The following PET117 variants were observed in gnomAD, a reference collection of about 807,000 sequenced individuals.
PET117 encodes the protein protein PET117 homolog, mitochondrial.
In PET117, 10 loss-of-function variants were observed where a neutral mutation model predicts 9.2. The ratio of observed to expected loss-of-function variants is 1.09; its 90% CI spans 0.67 to 1.85. The LOEUF (loss-of-function observed/expected upper bound fraction) is 1.85. PET117 is among the 40% of genes most tolerant of loss of function. The pLI, the probability that PET117 is intolerant of heterozygous loss-of-function variation, is 0.00. For synonymous variants in PET117, 43 were observed against 37.1 expected (o/e 1.16, Z -0.57); for missense variants, 96 against 98.2 (o/e 0.98, Z 0.09).
chr20:18,139,690 T>G (rs2037454836), intron 1 of PET117, among the ~76,000 whole-genome samples: 2 of 149,766 alleles, frequency 1.3e-5, no homozygotes, highest in Non-Finnish European at 3.0e-5. Context: ...TTTTTTTCCT[T>G]TTATGTCCGG....
chr20:18,140,950 CAGGCTGAGGTGATCCTAT>C, intron 1 of PET117, among the ~76,000 whole-genome samples: 1 of 149,468 alleles, frequency 6.7e-6, no homozygotes, highest in East Asian at 2.0e-4. Flanking sequence ...CTGTGCCTCC[CAGGCTGAGGTGATCCTAT>C]CACCTCAGCC....
In PET117 at chr20:18,140,818, C is replaced by CAAAA. The variant is rs1157203058; in HGVS notation, c.97-1375_97-1372dup. On this transcript the variant is annotated intron_variant, in intron 1 of 1. Coordinates refer to ENST00000432901, the MANE Select transcript of PET117 (RefSeq NM_001164811.2). ...TGGGTGACAGAACGAGACTCCTTCT[C>CAAAA]AAAAAAAAAAAAAAAAAACCAATAA... Among the ~76,000 whole-genome samples the CAAAA allele has an allele frequency of 2.4e-3, 191 of 79,016 alleles. 4 individuals carry two copies. Among genetic ancestry groups the CAAAA allele is most frequent in the African/African-American group, 8.9e-3 (172 of 19,408 alleles). The allele number at this position is 79,016 out of a possible 152,430, so 51.8% of individuals were successfully genotyped here.
chr20:18,139,230 GT>G (rs1280052724), intron 1 of PET117, among the ~76,000 whole-genome samples: 2 of 152,208 alleles, frequency 1.3e-5, no homozygotes, highest in Non-Finnish European at 2.9e-5. Context: ...GGATTAAAAT[GT>G]GCTCCTAAGG....
At chr20:18,138,860 A>G (rs2037409128) in intron 1 of PET117, among the ~76,000 whole-genome samples, 3 of 152,176 alleles carry the variant, frequency 2.0e-5, no homozygotes, top group Non-Finnish European at 4.4e-5. Flanking sequence ...GGGAATACAA[A>G]GATAAGGAAA....
intron 1 of PET117, 25 bp downstream of exon 1, chr20:18,138,076 C>G (rs1465795409): frequency 1.4e-6 from 2 of 1,446,802 alleles, no homozygotes; most frequent in South Asian, 2.7e-5. Context: ...ACCGTCTCTT[C>G]CGGGCCCGCG....
Position 18,142,649 on chromosome 20 carries a change from G to C in PET117, c.*292G>C. The C allele has an allele frequency of 5.6e-6, 9 of 1,613,704 alleles. No homozygotes were observed. Among genetic ancestry groups the C allele is most frequent in the Non-Finnish European group, 7.6e-6 (9 of 1,179,636 alleles). Reference sequence around the variant, plus strand: ...TACTGAGAAGCACTGCCGAGCTTGTGAGAAGGAAGGGATGGATAGTAGCAT... The same window carrying C: ...TACTGAGAAGCACTGCCGAGCTTGTCAGAAGGAAGGGATGGATAGTAGCAT... On this transcript the variant is annotated 3_prime_UTR_variant, in exon 2 of 2. Coordinates refer to ENST00000432901, the MANE Select transcript of PET117 (RefSeq NM_001164811.2).
chr20:18,141,777 G>A (rs1033862148), intron 1 of PET117, among the ~76,000 whole-genome samples: 1 of 152,112 alleles, frequency 6.6e-6, no homozygotes. Context: ...TCAGCTACTC[G>A]GGAGGCTGAG....
At chr20:18,140,100 A>G (rs922758085) in intron 1 of PET117, among the ~76,000 whole-genome samples, 1 of 152,152 alleles carries the variant, frequency 6.6e-6, no homozygotes, top group Non-Finnish European at 1.5e-5. Context: ...GATCATAAGC[A>G]CACGTGACAT....
Position 18,142,110 on chromosome 20 carries a change from A to C in PET117, c.97-98A>C. 10 of 1,232,264 alleles carry C rather than the reference A, an allele frequency of 8.1e-6. No individual in the cohort carries two copies. In the South Asian group the frequency reaches 1.7e-4, roughly 21 times the overall value. The allele number at this position is 1,232,264 out of a possible 1,614,324, so 76.3% of individuals were successfully genotyped here. Reference sequence around the variant, plus strand: ...TGGGTATTTGGAATCTGAAAGTTTTAAGTATATTTTGGTAACACTGTTATT... The same window carrying C: ...TGGGTATTTGGAATCTGAAAGTTTTCAGTATATTTTGGTAACACTGTTATT... On this transcript the variant is annotated intron_variant, in intron 1 of 1. Coordinates refer to ENST00000432901, the MANE Select transcript of PET117 (RefSeq NM_001164811.2).
At chr20:18,138,925 T>C (rs541864676) in intron 1 of PET117, among the ~76,000 whole-genome samples, 156 of 152,328 alleles carry the variant, frequency 1.0e-3, no homozygotes, top group African/African-American at 3.6e-3. Flanking sequence ...AACAGGGTCA[T>C]TGGTGAATTT....
Position 18,137,947 on chromosome 20 carries a change from A to T in PET117, c.-9A>T, listed in dbSNP as rs768240006. 1.3e-4 allele frequency: 185 copies of T among 1,478,550 alleles called. No individual in the cohort carries two copies. The highest frequency in any genetic ancestry group is 1.6e-4 in the Non-Finnish European group (176 of 1,122,534). 91.6% of individuals were successfully genotyped at this position (1,478,550 alleles called of 1,614,324 possible). On this transcript the variant is annotated 5_prime_UTR_variant, in exon 1 of 2. Transcript: ENST00000432901. ...GCGGGAGAGAGAGGCCGCGGCCGCC[A>T]GCGTGGGGATGTCTAGGAGCTCGAA... is the stretch of plus-strand genomic sequence containing the variant.
chr20:18,141,039 T>TTTA (rs2037541695), intron 1 of PET117, among the ~76,000 whole-genome samples: 1 of 24,234 alleles, frequency 4.1e-5, no homozygotes, highest in Non-Finnish European at 1.0e-4. Context: ...TTTTTTTTTT[T>TTTA]TTTTTTTATT....
Position 18,143,116 on chromosome 20 carries a change from A to G in PET117, c.*759A>G, listed in dbSNP as rs562825031. On this transcript the variant is annotated 3_prime_UTR_variant, in exon 2 of 2. Transcript: ENST00000432901. ...GAAACGTACTGTCAACCTCTATCAC[A>G]TTGTTAAATTAACACTTTTGGTGGT... The G allele has an allele frequency of 1.5e-4, 200 of 1,332,682 alleles. No homozygotes were observed. The highest frequency in any genetic ancestry group is 1.8e-4 in the Non-Finnish European group (192 of 1,038,762). The allele number at this position is 1,332,682 out of a possible 1,614,324, so 82.6% of individuals were successfully genotyped here.
rs1229454671 is a variant in PET117 at position 18,142,379 on chromosome 20, G to C, written c.*22G>C. On this transcript the variant is annotated 3_prime_UTR_variant, in exon 2 of 2. Transcript: ENST00000432901. ...ATGACTTGAATGTGAAATATCTGTTGGACAGACAACACGAGTTTGTGTGTG... is the reference window on the plus strand; with the variant it reads ...ATGACTTGAATGTGAAATATCTGTTCGACAGACAACACGAGTTTGTGTGTG... The C allele has an allele frequency of 1.3e-6, 2 of 1,531,154 alleles. No individual in the cohort carries two copies. The highest frequency in any genetic ancestry group is 4.0e-5 in the Admixed American group (2 of 50,558). 94.8% of individuals were successfully genotyped at this position (1,531,154 alleles called of 1,614,324 possible).
intron 1 of PET117, among the ~76,000 whole-genome samples, chr20:18,139,444 A>G (rs890430451): frequency 2.6e-5 from 4 of 152,170 alleles, no homozygotes. Flanking sequence ...GTTCCCGGAA[A>G]GTTTTTACAA....
Position 18,142,303 on chromosome 20 carries a change from A to G in PET117, c.192A>G (p.Gln64=), listed in dbSNP as rs1180042005. The G allele has an allele frequency of 2.0e-6, 3 of 1,537,074 alleles. No homozygotes were observed. Among genetic ancestry groups the G allele is most frequent in the Middle Eastern group, 1.7e-4 (1 of 5,990 alleles). The part of the protein sequence containing the change: ...LLGEQIILTE[Q]LEAEREKMLL... ...GAGAACAGATTATTTTGACTGAGCA[A>G]CTTGAAGCAGAAAGAGAGAAGATGT... Residue 64 remains glutamine, a synonymous_variant, in exon 2 of 2, where the codon CAA becomes CAG. Coordinates refer to ENST00000432901, the MANE Select transcript of PET117 (RefSeq NM_001164811.2).
At chr20:18,142,090 A>G (rs984755165) in intron 1 of PET117, 118 bp from the exon 2 acceptor site, 7 of 1,042,522 alleles carry the variant, frequency 6.7e-6, no homozygotes, top group Non-Finnish European at 7.9e-6. Flanking sequence ...GTAACTGGGT[A>G]TTTGGAATCT....
Position 18,142,459 on chromosome 20 carries a change from C to T in PET117, c.*102C>T. On this transcript the variant is annotated 3_prime_UTR_variant, in exon 2 of 2. Transcript: ENST00000432901. ...CTTCATCTTTTTTTTTGGTCACTGTCCTTTTAAACTTGATCAAATAAAGGA... is the reference window on the plus strand; with the variant it reads ...CTTCATCTTTTTTTTTGGTCACTGTTCTTTTAAACTTGATCAAATAAAGGA... 1 of 1,459,410 alleles carries T rather than the reference C, an allele frequency of 6.9e-7. No individual in the cohort carries two copies. Among genetic ancestry groups the T allele is most frequent in the South Asian group, 1.5e-5 (1 of 68,596 alleles). 90.4% of individuals were successfully genotyped at this position (1,459,410 alleles called of 1,614,324 possible). A position where few individuals can be genotyped will look rare whatever the true frequency, so the allele number is the denominator to read the frequency against.
At chr20:18,139,789 G>A (rs2037459087) in intron 1 of PET117, among the ~76,000 whole-genome samples, 1 of 152,082 alleles carries the variant, frequency 6.6e-6, no homozygotes, top group Non-Finnish European at 1.5e-5. Flanking sequence ...AAGGTTCAAG[G>A]AAGCAAGAAA....
Sources: gnomAD v4.1 joint callset for allele counts (sites outside exome capture counted in the v4.1 genomes callset) on GRCh38, gnomAD v4.1.1 for gene constraint, MANE v1.5 for transcripts, NCBI Gene and HGNC (gene_info 2026-07-23, HGNC 2026-07-21) for gene names.